Variants in USP45 observed in about 807,000 individuals in gnomAD.
USP45 encodes the protein ubiquitin specific peptidase 45.
USP45 carries 89 observed loss-of-function variants against 95.8 expected under a neutral mutation model. The ratio of observed to expected loss-of-function variants is 0.93; its 90% CI spans 0.78 to 1.11. The LOEUF (loss-of-function observed/expected upper bound fraction) is 1.11. Ranked by LOEUF, USP45 falls within the 50% of genes least tolerant of loss-of-function variation. The probability of loss-of-function intolerance (pLI) is 0.00; values close to 1 mark genes in which losing one functional copy is unlikely to be tolerated. For synonymous variants in USP45, 281 were observed against 316.2 expected, an observed-to-expected ratio of 0.89 and a Z score of 1.18; for missense variants, 898 against 942.5, an observed-to-expected ratio of 0.95 and a Z score of 0.62.
chr6:99,482,672 A>T, intron 8 of USP45, 81 bp downstream of exon 8: 2 of 1,361,718 alleles, frequency 1.5e-6, no homozygotes, highest in Non-Finnish European at 1.9e-6. Flanking sequence ...GTTACAGTAA[A>T]AACGACTATT....
intron 9 of USP45, among the ~76,000 whole-genome samples, chr6:99,475,571 C>T (rs1188597724): frequency 6.6e-6 from 1 of 152,082 alleles, no homozygotes; most frequent in African/African-American, 2.4e-5. Flanking sequence ...CTGCCTCAGC[C>T]TTCCAAAGTG....
intron 13 of USP45, chr6:99,461,054 C>T: frequency 1.0e-6 from 1 of 985,184 alleles, no homozygotes. Context: ...GTAAATTGTA[C>T]CAGAGCACAA....
rs1415081837 is a variant in USP45, at chr6:99,445,968, T to C, written c.1804A>G (p.Asn602Asp). The change falls in exon 14 of 18, where the codon AAT (asparagine) becomes GAT (aspartate). Residue 602 changes from asparagine to aspartate, a missense_variant. Physicochemically the swap from Asn to Asp is conservative, Grantham distance 23. Coordinates refer to ENST00000500704, the MANE Select transcript of USP45 (RefSeq NM_001346022.3). ...CTCTGAGAAAGGGTCTGAAAAGCAT[T>C]TTGGGGACTATAAGACCTCAAATGC... ...GKHLRSYSPQNAFQTLSQSYI... is the reference protein window; with the variant it reads ...GKHLRSYSPQDAFQTLSQSYI... The C allele has an allele frequency of 6.2e-7, 1 of 1,614,046 alleles. No individual in the cohort carries two copies. The highest frequency in any genetic ancestry group is 1.3e-5 in the African/African-American group (1 of 75,036).
chr6:99,461,269 G>GT (rs1786403893), intron 13 of USP45: 1 of 985,196 alleles, frequency 1.0e-6, no homozygotes, highest in African/African-American at 1.7e-5. Context: ...CAGCATGATG[G>GT]TTTTTTAAAA....
chr6:99,435,207 TTTTAC>T lies in USP45; in HGVS notation c.*504_*508del, dbSNP rs1410551926. 1 of 152,628 alleles carries T rather than the reference TTTTAC, an allele frequency of 6.6e-6. No homozygotes were observed. The highest frequency in any genetic ancestry group is 2.4e-5 in the African/African-American group (1 of 41,450). 9.5% of individuals were successfully genotyped at this position (152,628 alleles called of 1,614,324 possible). On this transcript the variant is annotated 3_prime_UTR_variant, in exon 18 of 18. Transcript: ENST00000500704. ...TACGTGGATAAACAATTTTTAATAG[TTTTAC>T]TTTAATATTTATTATAAAAATATAA...
At position 99,441,510 on chromosome 6, in the gene USP45, C is replaced by T. The variant is rs558519298; in HGVS notation, c.2074-1655G>A. On this transcript the variant is annotated intron_variant, in intron 15 of 17. Transcript: ENST00000500704. ...TCGCGCCATTGCACTCCAGCCTGGG[C>T]GACAAAAGCGAAACTCCATCTCCAA... 1.5e-4 allele frequency among the ~76,000 whole-genome samples: 23 copies of T among 150,918 alleles called. 1 individual carries two copies. The highest frequency in any genetic ancestry group is 1.7e-4 in the African/African-American group (7 of 41,080).
At chr6:99,511,396 G>A (rs189179505) in intron 1 of USP45, among the ~76,000 whole-genome samples, 58 of 151,500 alleles carry the variant, frequency 3.8e-4, no homozygotes, top group South Asian at 2.5e-3. Context: ...CTCGTGATCC[G>A]CCCACCTCAG....
At chr6:99,493,044 T>G (rs1487351914) in intron 5 of USP45, among the ~76,000 whole-genome samples, 1 of 152,064 alleles carries the variant, frequency 6.6e-6, no homozygotes, top group Non-Finnish European at 1.5e-5. Flanking sequence ...TTTTTTTTTC[T>G]TTGAGACGGA....
chr6:99,478,686 C>G (rs953016985), intron 8 of USP45, among the ~76,000 whole-genome samples: 17 of 152,000 alleles, frequency 1.1e-4, no homozygotes, highest in Admixed American at 8.5e-4. Flanking sequence ...TAAAAAAGAA[C>G]AAAATCATAT....
intron 9 of USP45, among the ~76,000 whole-genome samples, chr6:99,474,617 A>G (rs1373982643): frequency 6.6e-6 from 1 of 152,180 alleles, no homozygotes; most frequent in Admixed American, 6.5e-5. Context: ...TAAGAAGTAT[A>G]TTTGCCTTGA....
chr6:99,444,782 C>T (rs1228003339), intron 14 of USP45, among the ~76,000 whole-genome samples: 1 of 152,210 alleles, frequency 6.6e-6, no homozygotes, highest in Non-Finnish European at 1.5e-5. Flanking sequence ...CCCTCACTCC[C>T]CTACCTCCTG....
chr6:99,473,186 A>G (rs1789876643), intron 9 of USP45, among the ~76,000 whole-genome samples: 1 of 152,088 alleles, frequency 6.6e-6, no homozygotes, highest in South Asian at 2.1e-4. Context: ...ATTTCTTCCC[A>G]ATTCAAATTC....
At chr6:99,454,021 A>G (rs1562325271) in intron 13 of USP45, among the ~76,000 whole-genome samples, 1 of 152,186 alleles carries the variant, frequency 6.6e-6, no homozygotes, top group Admixed American at 6.5e-5. Context: ...CACTAAAGCA[A>G]TCCTGGGCAA....
At chr6:99,461,905 T>C (rs1022680104) in intron 13 of USP45, 49 of 985,058 alleles carry the variant, frequency 5.0e-5, no homozygotes, top group Non-Finnish European at 5.7e-5. Context: ...GTACTGAAAG[T>C]AGTTAACTAC....
At chr6:99,501,727 A>C in intron 5 of USP45, 1 of 241,352 alleles carries the variant, frequency 4.1e-6, no homozygotes, top group Non-Finnish European at 7.6e-6. Context: ...TATCCTATAC[A>C]CTCTTAACAT....
At chr6:99,479,161 TATAC>T (rs1304615054) in intron 8 of USP45, among the ~76,000 whole-genome samples, 15 of 17,598 alleles carry the variant, frequency 8.5e-4, no homozygotes, top group South Asian at 4.8e-3. Context: ...TATATACATA[TATAC>T]ACACACACAC....
intron 5 of USP45, among the ~76,000 whole-genome samples, chr6:99,489,650 T>G (rs931912065): frequency 6.6e-6 from 1 of 152,154 alleles, no homozygotes; most frequent in Non-Finnish European, 1.5e-5. Context: ...TAATGCAGAT[T>G]TGAAAATTAT....
chr6:99,476,843 T>C (rs1791000186), intron 8 of USP45, among the ~76,000 whole-genome samples: 1 of 152,216 alleles, frequency 6.6e-6, no homozygotes, highest in Non-Finnish European at 1.5e-5. Context: ...TATAAGTTGA[T>C]CTCCCTGTGA....
At chr6:99,512,841 G>A (rs1424539128) in intron 1 of USP45, among the ~76,000 whole-genome samples, 2 of 151,892 alleles carry the variant, frequency 1.3e-5, no homozygotes, top group African/African-American at 4.8e-5. Context: ...CTCCCCTACA[G>A]TTCCACCTTA....
Sources: gnomAD v4.1 joint callset for allele counts (sites outside exome capture counted in the v4.1 genomes callset) on GRCh38, gnomAD v4.1.1 for gene constraint, MANE v1.5 for transcripts, NCBI Gene and HGNC (gene_info 2026-07-23, HGNC 2026-07-21) for gene names.